The following LARS2 variants were observed in gnomAD, a reference collection of about 807,000 sequenced individuals.
LARS2 encodes leucyl-tRNA synthetase 2, mitochondrial.
Under a neutral mutation model 116.6 loss-of-function variants are expected in LARS2, and 81 were observed. That is an observed-to-expected ratio of 0.69 (90% CI 0.58 to 0.84). The LOEUF (loss-of-function observed/expected upper bound fraction) is 0.84, where lower values mean the gene tolerates loss of function less well. Among genes scored for constraint, LARS2 ranks in the 40% least tolerant of loss-of-function variants. The pLI is 0.00. For missense variants in LARS2, 968 were observed against 1,114.5 expected (o/e 0.87, Z 1.87); for synonymous variants, 396 against 407.2 (o/e 0.97, Z 0.33).
chr3:45,500,360 A>G (rs1227293987), intron 14 of LARS2, 82 bp from the exon 15 acceptor site: 4 of 1,276,708 alleles, frequency 3.1e-6, no homozygotes, highest in Non-Finnish European at 4.4e-6. Context: ...TTCAGGGCAT[A>G]TGCATATTAC....
chr3:45,444,684 AAC>A (rs1425257647), intron 6 of LARS2, among the ~76,000 whole-genome samples: 21 of 150,192 alleles, frequency 1.4e-4, no homozygotes, highest in East Asian at 5.9e-4. Context: ...AAAAAAAAAA[AAC>A]AATGCTGTTT....
intron 12 of LARS2, among the ~76,000 whole-genome samples, chr3:45,491,035 C>A (rs1699905115): frequency 6.6e-6 from 1 of 152,154 alleles, no homozygotes; most frequent in African/African-American, 2.4e-5. Context: ...TTCCCCCCAA[C>A]AGGGGAGTAG....
chr3:45,447,865 G>A (rs1388938055), intron 7 of LARS2, among the ~76,000 whole-genome samples: 1 of 152,160 alleles, frequency 6.6e-6, no homozygotes, highest in African/African-American at 2.4e-5. Context: ...TGAGGCAAGA[G>A]CATCATAGTG....
At chr3:45,458,282 G>A (rs1026330197) in intron 7 of LARS2, among the ~76,000 whole-genome samples, 1 of 152,154 alleles carries the variant, frequency 6.6e-6, no homozygotes, top group Non-Finnish European at 1.5e-5. Context: ...GGAAATTAAT[G>A]TGTTCTTTGT....
intron 14 of LARS2, among the ~76,000 whole-genome samples, chr3:45,499,437 G>A (rs576383793): frequency 1.3e-5 from 2 of 151,744 alleles, no homozygotes; most frequent in East Asian, 1.9e-4. Context: ...GCGAGACTCC[G>A]TCTCAAAAAG....
At chr3:45,479,763 T>C (rs535814831) in intron 10 of LARS2, among the ~76,000 whole-genome samples, 22 of 152,326 alleles carry the variant, frequency 1.4e-4, no homozygotes. Context: ...TGGGGAAATA[T>C]GATCAGAATT....
rs961341524 is a variant in LARS2 at position 45,533,037 on chromosome 3, C to T, written c.2405-8792C>T. 6.6e-5 allele frequency among the ~76,000 whole-genome samples: 10 copies of T among 151,648 alleles called. 1 individual carries two copies. Among genetic ancestry groups the T allele is most frequent in the Non-Finnish European group, 1.5e-5 (1 of 67,940 alleles). On this transcript the variant is annotated intron_variant, in intron 20 of 21. Transcript: ENST00000645846. ...ACCCTTAAGGGAGGGAGGTATTAGG[C>T]CCTGACAAGCTGCAGCCATATTATA...
chr3:45,542,428 AGAG>A (rs1462929070), intron 21 of LARS2, among the ~76,000 whole-genome samples: 1 of 152,222 alleles, frequency 6.6e-6, no homozygotes, highest in Non-Finnish European at 1.5e-5. Flanking sequence ...TAAATACATA[AGAG>A]GAGTTTATCG....
intron 14 of LARS2, among the ~76,000 whole-genome samples, chr3:45,498,742 G>A (rs567421758): frequency 9.6e-4 from 146 of 152,286 alleles, no homozygotes; most frequent in African/African-American, 3.3e-3. Flanking sequence ...GAGGTCTGTC[G>A]CCAGCCAGTG....
At chr3:45,444,477 A>C (rs1372295934) in intron 6 of LARS2, among the ~76,000 whole-genome samples, 4 of 326 alleles carry the variant, frequency 0.012, no homozygotes, top group Admixed American at 0.075. Flanking sequence ...TCCCGGCTAA[A>C]ACGGTGAAAC....
intron 7 of LARS2, among the ~76,000 whole-genome samples, chr3:45,455,751 A>G (rs897004837): frequency 1.8e-4 from 28 of 152,148 alleles, no homozygotes; most frequent in African/African-American, 6.8e-4. Context: ...CTAAGTGTCC[A>G]TCAACAGACG....
chr3:45,488,787 C>G lies in LARS2; in HGVS notation c.1214C>G (p.Thr405Arg), dbSNP rs1699861903. ...SEVIETLPDG[T>R]ERLSSSAEFT... ...GTCATTGAAACTTTGCCAGATGGCA[C>G]AGAGAGACTGAGCAGCTCTGCTGAG... The change falls in exon 12 of 22, where the codon ACA becomes AGA. Residue 405 changes from threonine (T) to arginine (R), a missense_variant. Coordinates refer to ENST00000645846, the MANE Select transcript of LARS2 (RefSeq NM_015340.4). The G allele has an allele frequency of 9.3e-6, 15 of 1,612,212 alleles. No individual in the cohort carries two copies. The highest frequency in any genetic ancestry group is 1.3e-5 in the Non-Finnish European group (15 of 1,178,242).
intron 8 of LARS2, among the ~76,000 whole-genome samples, chr3:45,460,192 A>G (rs578131798): frequency 1.3e-5 from 2 of 152,342 alleles, no homozygotes; most frequent in East Asian, 3.9e-4. Flanking sequence ...AGAATAGCAT[A>G]TGGATTTGGA....
chr3:45,523,224 C>T (rs73830417), intron 19 of LARS2, among the ~76,000 whole-genome samples: 3,345 of 152,230 alleles, frequency 0.022, 116 homozygotes, highest in African/African-American at 0.07. Context: ...CTATGTTTGC[C>T]GGAATTGACC....
intron 7 of LARS2, among the ~76,000 whole-genome samples, chr3:45,455,176 C>A (rs1699194549): frequency 6.9e-6 from 1 of 145,056 alleles, no homozygotes; most frequent in Non-Finnish European, 1.5e-5. Flanking sequence ...TTATGATGTG[C>A]AAACCTCTTA....
rs998959183 is a variant in LARS2 at position 45,535,379 on chromosome 3, A to AAAAG, written c.2405-6434_2405-6431dup. Reference sequence around the variant, plus strand: ...ATTAAAAAAAAAAAGAAAAGAAAAGAAAAGAAAGAAAGAAAGAAAATCACC... The same window carrying AAAAG: ...ATTAAAAAAAAAAAGAAAAGAAAAGAAAAGAAAGAAAGAAAGAAAGAAAATCACC... On this transcript the variant is annotated intron_variant, in intron 20 of 21. Coordinates refer to ENST00000645846, the MANE Select transcript of LARS2 (RefSeq NM_015340.4). Among the ~76,000 whole-genome samples, 322 of 151,730 alleles carry AAAAG rather than the reference A, an allele frequency of 2.1e-3. 2 individuals carry two copies. The highest frequency in any genetic ancestry group is 2.7e-3 in the Non-Finnish European group (180 of 67,884).
intron 10 of LARS2, among the ~76,000 whole-genome samples, chr3:45,484,620 A>ATATATATAT (rs1180010440): frequency 1.1e-3 from 15 of 14,016 alleles, no homozygotes; most frequent in East Asian, 4.9e-3. Context: ...AAAAAAAAAA[A>ATATATATAT]AAAAAAAAAA....
chr3:45,389,993 T>G (rs375536288), intron 1 of LARS2, among the ~76,000 whole-genome samples: 1 of 152,154 alleles, frequency 6.6e-6, no homozygotes, highest in Admixed American at 6.5e-5. Context: ...CCTTATGGAA[T>G]TAGAACCTGA....
At chr3:45,464,532 A>G (rs763751608) in intron 8 of LARS2, among the ~76,000 whole-genome samples, 20 of 152,186 alleles carry the variant, frequency 1.3e-4, no homozygotes, top group Non-Finnish European at 2.9e-4. Flanking sequence ...CTCCAGTCAC[A>G]TCGTCCCCTT....
Sources: gnomAD v4.1 joint callset for allele counts (sites outside exome capture counted in the v4.1 genomes callset) on GRCh38, gnomAD v4.1.1 for gene constraint, MANE v1.5 for transcripts, NCBI Gene and HGNC (gene_info 2026-07-23, HGNC 2026-07-21) for gene names.